The following ZNF704 variants were observed in gnomAD, a reference collection of about 807,000 sequenced individuals.
The protein encoded by ZNF704 is zinc finger protein 704.
In ZNF704, 10 loss-of-function variants were observed where a neutral mutation model predicts 44.7. The ratio of observed to expected loss-of-function variants is 0.22; its 90% confidence interval spans 0.14 to 0.38. The LOEUF (loss-of-function observed/expected upper bound fraction) is 0.38, where lower values mean the gene tolerates loss of function less well. ZNF704 is among the 10% of genes least tolerant of loss of function. ZNF704 has a pLI of 1.00. For missense variants in ZNF704, 390 were observed against 545.5 expected (o/e 0.71, Z 2.84); for synonymous variants, 211 against 207.6 (o/e 1.02, Z -0.14).
intron 7 of ZNF704, among the ~76,000 whole-genome samples, chr8:80,649,487 G>A (rs949201154): frequency 1.3e-5 from 2 of 152,216 alleles, no homozygotes; most frequent in African/African-American, 2.4e-5. Context: ...TTTTCCAACA[G>A]TCTTAGCAAA....
At chr8:80,827,813 A>C (rs1808405016) in intron 1 of ZNF704, among the ~76,000 whole-genome samples, 1 of 152,210 alleles carries the variant, frequency 6.6e-6, no homozygotes. Context: ...CAAAAGCAAG[A>C]AATGGGGAAA....
chr8:80,789,903 T>C (rs1400784764), intron 2 of ZNF704, among the ~76,000 whole-genome samples: 1 of 152,202 alleles, frequency 6.6e-6, no homozygotes, highest in Non-Finnish European at 1.5e-5. Context: ...CAATGAAAGA[T>C]GTCAAGAAGA....
At chr8:80,750,213 C>T (rs914327522) in intron 2 of ZNF704, among the ~76,000 whole-genome samples, 9 of 152,084 alleles carry the variant, frequency 5.9e-5, no homozygotes, top group Non-Finnish European at 1.0e-4. Context: ...GCAATGACTG[C>T]CAACTTGTGT....
intron 2 of ZNF704, among the ~76,000 whole-genome samples, chr8:80,781,630 C>T (rs770016987): frequency 4.6e-5 from 7 of 152,104 alleles, no homozygotes; most frequent in Non-Finnish European, 1.0e-4. Flanking sequence ...TGACATGTCA[C>T]GAACCAGCCG....
chr8:80,842,121 C>T (rs949361410), intron 1 of ZNF704, among the ~76,000 whole-genome samples: 3 of 152,102 alleles, frequency 2.0e-5, no homozygotes, highest in Non-Finnish European at 4.4e-5. Flanking sequence ...ATCACTAACC[C>T]AGTATTCCTG....
At chr8:80,749,953 C>T (rs1806913148) in intron 2 of ZNF704, among the ~76,000 whole-genome samples, 2 of 152,126 alleles carry the variant, frequency 1.3e-5, no homozygotes, top group African/African-American at 4.8e-5. Context: ...GCGTGAATCT[C>T]CCCTCACCTA....
intron 2 of ZNF704, among the ~76,000 whole-genome samples, chr8:80,730,735 A>C (rs1806567454): frequency 6.6e-6 from 1 of 152,068 alleles, no homozygotes; most frequent in Admixed American, 6.5e-5. Flanking sequence ...TTACTTCTAA[A>C]CTTTGCCCTG....
intron 2 of ZNF704, among the ~76,000 whole-genome samples, chr8:80,749,210 A>G (rs1806899877): frequency 6.6e-6 from 1 of 152,120 alleles, no homozygotes; most frequent in Non-Finnish European, 1.5e-5. Flanking sequence ...GGGTCTCACT[A>G]TGTTGACCAG....
chr8:80,763,787 T>C (rs1209636221), intron 2 of ZNF704, among the ~76,000 whole-genome samples: 1 of 152,184 alleles, frequency 6.6e-6, no homozygotes, highest in Non-Finnish European at 1.5e-5. Flanking sequence ...ACTTTTATGA[T>C]CTGTCACCTC....
chr8:80,873,375 C>T (rs893233087), intron 1 of ZNF704, among the ~76,000 whole-genome samples: 2 of 152,160 alleles, frequency 1.3e-5, no homozygotes, highest in South Asian at 2.1e-4. Context: ...ATCAACAGTT[C>T]CTCGCGCTGC....
intron 2 of ZNF704, among the ~76,000 whole-genome samples, chr8:80,739,160 CATATTTCTGGGTCATACATA>C (rs1445781750): frequency 6.6e-6 from 1 of 152,196 alleles, no homozygotes; most frequent in East Asian, 1.9e-4. Flanking sequence ...GATTACACAT[CATATTTCTGGGTCATACATA>C]ATAAGTCATT....
chr8:80,675,063 G>A (rs1818342622), intron 4 of ZNF704, among the ~76,000 whole-genome samples: 1 of 152,218 alleles, frequency 6.6e-6, no homozygotes. Context: ...AAAAAGAAAT[G>A]AGGCTTCTTT....
chr8:80,699,393 G>T (rs1347242506), intron 2 of ZNF704, among the ~76,000 whole-genome samples: 3 of 145,392 alleles, frequency 2.1e-5, no homozygotes, highest in Non-Finnish European at 3.0e-5. Context: ...CATCAAAATT[G>T]ATGGAAAAAG....
chr8:80,767,247 T>C (rs1373616353), intron 2 of ZNF704, among the ~76,000 whole-genome samples: 3 of 152,122 alleles, frequency 2.0e-5, no homozygotes, highest in Non-Finnish European at 2.9e-5. Context: ...TGTAATTAAC[T>C]TGGTTAATTA....
chr8:80,785,972 C>A (rs1396340909), intron 2 of ZNF704, among the ~76,000 whole-genome samples: 1 of 152,104 alleles, frequency 6.6e-6, no homozygotes, highest in African/African-American at 2.4e-5. Flanking sequence ...ATAAACATGG[C>A]ATCTAGGCCA....
intron 2 of ZNF704, among the ~76,000 whole-genome samples, chr8:80,808,689 C>T (rs942043552): frequency 2.0e-5 from 3 of 152,174 alleles, no homozygotes; most frequent in Middle Eastern, 6.3e-3. Flanking sequence ...GCACTTTCAA[C>T]GTGATCGTTT....
intron 7 of ZNF704, among the ~76,000 whole-genome samples, chr8:80,658,155 G>A (rs1456833678): frequency 6.6e-6 from 1 of 152,202 alleles, no homozygotes; most frequent in Non-Finnish European, 1.5e-5. Flanking sequence ...TAGTCTGAAA[G>A]AGGTTTGAAC....
At chr8:80,803,427 C>T (rs900642871) in intron 2 of ZNF704, among the ~76,000 whole-genome samples, 1 of 152,204 alleles carries the variant, frequency 6.6e-6, no homozygotes, top group Non-Finnish European at 1.5e-5. Context: ...TACCCATCTT[C>T]AAACTATACC....
chr8:80,758,311 A>T (rs1052802782), intron 2 of ZNF704, among the ~76,000 whole-genome samples: 1 of 152,214 alleles, frequency 6.6e-6, no homozygotes, highest in African/African-American at 2.4e-5. Context: ...TTGGGCCTTT[A>T]TTCTACCTTC....
Sources: gnomAD v4.1 joint callset for allele counts (sites outside exome capture counted in the v4.1 genomes callset) on GRCh38, gnomAD v4.1.1 for gene constraint, MANE v1.5 for transcripts, NCBI Gene and HGNC (gene_info 2026-07-23, HGNC 2026-07-21) for gene names.